The following SOX6 variants were observed in gnomAD, a reference collection of about 807,000 sequenced individuals.
SOX6 encodes the protein SRY-box transcription factor 6, also known as transcription factor SOX-6.
Under a neutral mutation model 97.8 loss-of-function variants are expected in SOX6, and 11 were observed. The observed-to-expected ratio is 0.11, with a 90% confidence interval of 0.07 to 0.19. The LOEUF (loss-of-function observed/expected upper bound fraction) is 0.19, where lower values mean the gene tolerates loss of function less well. Among genes scored for constraint, SOX6 ranks in the 10% least tolerant of loss-of-function variants. The pLI, the probability that SOX6 is intolerant of heterozygous loss-of-function variation, is 1.00. For synonymous variants in SOX6, 360 were observed against 371.4 expected (o/e 0.97, Z 0.35); for missense variants, 810 against 1,039.5 (o/e 0.78, Z 3.04).
intron 4 of SOX6, among the ~76,000 whole-genome samples, chr11:16,187,329 T>C (rs1233276909): frequency 1.3e-5 from 2 of 152,156 alleles, no homozygotes. Context: ...TATTCTATAA[T>C]CACCTCTAAG....
At chr11:16,272,195 C>T (rs1854279161) in intron 3 of SOX6, among the ~76,000 whole-genome samples, 2 of 151,412 alleles carry the variant, frequency 1.3e-5, no homozygotes, top group African/African-American at 2.4e-5. Flanking sequence ...TTATTTCATT[C>T]ATCTAATCTC....
intron 4 of SOX6, among the ~76,000 whole-genome samples, chr11:16,209,674 G>T (rs1277198107): frequency 6.6e-6 from 1 of 152,104 alleles, no homozygotes; most frequent in African/African-American, 2.4e-5. Flanking sequence ...AATCGTTTCA[G>T]CCTGGAAGGC....
intron 6 of SOX6, among the ~76,000 whole-genome samples, chr11:16,143,797 G>A (rs1040426395): frequency 6.6e-6 from 1 of 152,178 alleles, no homozygotes; most frequent in Non-Finnish European, 1.5e-5. Flanking sequence ...AACACGAAGA[G>A]CTAAGTATCC....
intron 4 of SOX6, among the ~76,000 whole-genome samples, chr11:16,525,849 A>C (rs1375255387): frequency 6.6e-6 from 1 of 152,064 alleles, no homozygotes; most frequent in Non-Finnish European, 1.5e-5. Context: ...TCTCAAAAGA[A>C]GACATTTATG....
chr11:16,696,472 T>C (rs1320456073), intron 3 of SOX6, among the ~76,000 whole-genome samples: 2 of 152,194 alleles, frequency 1.3e-5, no homozygotes, highest in African/African-American at 2.4e-5. Flanking sequence ...CCTTCAGAGA[T>C]ATTGCAAGTT....
At chr11:16,617,237 A>G (rs932405333) in intron 3 of SOX6, among the ~76,000 whole-genome samples, 2 of 151,886 alleles carry the variant, frequency 1.3e-5, no homozygotes, top group African/African-American at 4.8e-5. Context: ...GAAGAAAACA[A>G]TAGCGTAAAT....
At chr11:16,123,392 G>A (rs1332299844) in intron 6 of SOX6, among the ~76,000 whole-genome samples, 1 of 152,036 alleles carries the variant, frequency 6.6e-6, no homozygotes, top group Non-Finnish European at 1.5e-5. Flanking sequence ...GCTATTGACA[G>A]CTGGGGCTCA....
intron 1 of SOX6, among the ~76,000 whole-genome samples, chr11:16,391,578 G>A (rs1858183127): frequency 6.6e-6 from 1 of 152,044 alleles, no homozygotes; most frequent in African/African-American, 2.4e-5. Flanking sequence ...TTCCTCCTCA[G>A]CCAGTCATTA....
At chr11:16,393,065 T>G (rs1191515657) in intron 1 of SOX6, among the ~76,000 whole-genome samples, 1 of 152,080 alleles carries the variant, frequency 6.6e-6, no homozygotes, top group Non-Finnish European at 1.5e-5. Context: ...TACAAAATTA[T>G]TTTTTCTGCC....
At chr11:16,100,267 G>GA (rs1430778133) in intron 7 of SOX6, among the ~76,000 whole-genome samples, 2 of 151,626 alleles carry the variant, frequency 1.3e-5, no homozygotes, top group Admixed American at 6.6e-5. Flanking sequence ...CTTTCATGAG[G>GA]ACCCATTCTT....
intron 3 of SOX6, among the ~76,000 whole-genome samples, chr11:16,662,547 TAATA>T (rs984710226): frequency 5.9e-5 from 9 of 152,004 alleles, no homozygotes; most frequent in African/African-American, 2.2e-4. Flanking sequence ...TTAAAAAGGA[TAATA>T]AATAATGACA....
In SOX6 at chr11:16,526,962, G is replaced by C. The variant is rs186991030; in HGVS notation, n.610-50574C>G. 1.6e-3 allele frequency among the ~76,000 whole-genome samples: 249 copies of C among 152,162 alleles called. 5 individuals carry two copies. Among genetic ancestry groups the C allele is most frequent in the Admixed American group, 0.015 (228 of 15,270 alleles). On this transcript the variant is annotated intron_variant and non_coding_transcript_variant, in intron 4 of 5. Transcript: ENST00000524520. ...CATAAATGTAGGGAGAAGGAACTAT[G>C]GCAGATTATATAATAGATAGAAACA...
intron 3 of SOX6, among the ~76,000 whole-genome samples, chr11:16,258,101 T>C (rs993800632): frequency 2.6e-5 from 4 of 151,996 alleles, no homozygotes; most frequent in East Asian, 1.9e-4. Context: ...GGAACGCTCA[T>C]TCATTGTTCA....
chr11:16,461,418 C>G (rs553959406), intron 1 of SOX6, among the ~76,000 whole-genome samples: 2 of 152,200 alleles, frequency 1.3e-5, no homozygotes, highest in African/African-American at 4.8e-5. Flanking sequence ...GTGATGGTCC[C>G]CTATGATCTA....
chr11:15,971,123 A>C lies in SOX6; in HGVS notation c.*1686T>G, dbSNP rs1853291323. On this transcript the variant is annotated 3_prime_UTR_variant, in exon 16 of 16. Coordinates refer to ENST00000683767, the MANE Select transcript of SOX6 (RefSeq NM_001367873.1). ...CAGATAGAGTCAGCCAGAGGAACTC[A>C]TCTGCTGCCCCCGGAGCTATCTGTT... 6.6e-6 allele frequency: 1 copy of C among 152,600 alleles called. No homozygotes were observed. Among genetic ancestry groups the C allele is most frequent in the African/African-American group, 2.4e-5 (1 of 41,470 alleles). 9.5% of individuals were successfully genotyped at this position (152,600 alleles called of 1,614,324 possible). A position where few individuals can be genotyped will look rare whatever the true frequency, so the allele number is the denominator to read the frequency against.
chr11:16,473,322 T>C (rs541241790), intron 1 of SOX6, among the ~76,000 whole-genome samples: 8 of 152,214 alleles, frequency 5.3e-5, no homozygotes, highest in Non-Finnish European at 8.8e-5. Context: ...ATATAAGTTA[T>C]GTTGACACTA....
chr11:16,245,333 G>C (rs1853306238), intron 3 of SOX6, among the ~76,000 whole-genome samples: 1 of 151,556 alleles, frequency 6.6e-6, no homozygotes, highest in South Asian at 2.1e-4. Flanking sequence ...TTTGAGATTT[G>C]TTTTATAGTC....
Position 15,972,132 on chromosome 11 carries a change from A to G in SOX6, c.*677T>C, listed in dbSNP as rs532735606. 2 of 152,362 alleles carry G rather than the reference A, an allele frequency of 1.3e-5. No homozygotes were observed. The highest frequency in any genetic ancestry group is 6.6e-5 in the Admixed American group (1 of 15,228). 9.4% of individuals were successfully genotyped at this position (152,362 alleles called of 1,614,324 possible). On this transcript the variant is annotated 3_prime_UTR_variant, in exon 16 of 16. Coordinates refer to ENST00000683767, the MANE Select transcript of SOX6 (RefSeq NM_001367873.1). The stretch of plus-strand genomic sequence containing the variant: ...TCCTGAGTACCTTACCATTTTCTGG[A>G]AAAAAAAATGTTGGTTTGCTATTTT...
chr11:16,444,101 G>A (rs1237282672), intron 1 of SOX6, among the ~76,000 whole-genome samples: 1 of 150,552 alleles, frequency 6.6e-6, no homozygotes, highest in African/African-American at 2.4e-5. Flanking sequence ...AATGAGATTT[G>A]GAATAAGAAA....
Sources: allele counts gnomAD v4.1 joint callset (sites outside exome capture counted in the v4.1 genomes callset), GRCh38; gene constraint gnomAD v4.1.1; transcripts MANE v1.5; gene names NCBI Gene and HGNC (gene_info 2026-07-23, HGNC 2026-07-21).